The following CFTR variants were observed in gnomAD, a reference collection of about 807,000 sequenced individuals.
The protein encoded by CFTR is cystic fibrosis transmembrane conductance regulator.
CFTR carries 181 observed loss-of-function variants against 171.6 expected under a neutral mutation model. That is an observed-to-expected ratio of 1.05 (90% CI 0.93 to 1.19). The LOEUF (loss-of-function observed/expected upper bound fraction) is 1.19, where lower values mean the gene tolerates loss of function less well. Among genes scored for constraint, CFTR ranks in the 50% most tolerant of loss-of-function variants. The pLI, the probability that CFTR is intolerant of heterozygous loss-of-function variation, is 0.00. For synonymous variants in CFTR, 583 were observed against 608.0 expected (o/e 0.96, Z 0.60); for missense variants, 1,968 against 1,734.7 (o/e 1.13, Z -2.39).
At chr7:117,528,486 A>C (rs1416383166) in intron 3 of CFTR, among the ~76,000 whole-genome samples, 1 of 116,336 alleles carries the variant, frequency 8.6e-6, no homozygotes, top group Non-Finnish European at 1.8e-5. Context: ...CACCAAAAGC[A>C]ATGGCAACAA....
rs370654288 is a variant in CFTR at position 117,620,498 on chromosome 7, A to G, written c.3468+5785A>G. ...TGTCCCTGAATGCTAGAGTCCATTGATTAAGTTATTCACTGCTGCAATTGT... is the reference window on the plus strand; with the variant it reads ...TGTCCCTGAATGCTAGAGTCCATTGGTTAAGTTATTCACTGCTGCAATTGT... On this transcript the variant is annotated intron_variant, in intron 21 of 26. Coordinates refer to ENST00000003084, the MANE Select transcript of CFTR (RefSeq NM_000492.4). Among the ~76,000 whole-genome samples the G allele has an allele frequency of 2.1e-4, 32 of 152,252 alleles. No homozygotes were observed. In the East Asian group the frequency reaches 3.3e-3, roughly 16 times the overall value.
chr7:117,501,616 G>GCATGC (rs1319827579), intron 1 of CFTR, among the ~76,000 whole-genome samples: 1 of 150,818 alleles, frequency 6.6e-6, no homozygotes, highest in Non-Finnish European at 1.5e-5. Context: ...GCATGGTGGT[G>GCATGC]CATGCCTGTA....
intron 10 of CFTR, 59 bp from the exon 11 acceptor site, chr7:117,559,405 G>C (rs1006625702): frequency 4.7e-6 from 5 of 1,055,338 alleles, no homozygotes; most frequent in Admixed American, 1.7e-5. Flanking sequence ...ATAATTGGAG[G>C]CAAGTGAATC....
chr7:117,582,384 A>T (rs1791861471), intron 11 of CFTR, among the ~76,000 whole-genome samples: 1 of 152,166 alleles, frequency 6.6e-6, no homozygotes, highest in Non-Finnish European at 1.5e-5. Flanking sequence ...TCTCAAAATG[A>T]ATTTTACAAA....
In CFTR at chr7:117,611,815, T is replaced by C. The variant is rs1178497354; in HGVS notation, c.3367+7T>C. 1.3e-6 allele frequency: 2 copies of C among 1,589,028 alleles called. No homozygotes were observed. The highest frequency in any genetic ancestry group is 1.7e-6 in the Non-Finnish European group (2 of 1,158,278). On this transcript the variant is annotated splice_region_variant and intron_variant, in intron 20 of 26. Transcript: ENST00000003084. ...ATTTCCATTTTAACAACAGGTACTATGAACTCATTAACTTTAGCTAAGCAT... is the reference window on the plus strand; with the variant it reads ...ATTTCCATTTTAACAACAGGTACTACGAACTCATTAACTTTAGCTAAGCAT...
chr7:117,606,114 G>C (rs150965043), intron 17 of CFTR, among the ~76,000 whole-genome samples: 1 of 152,088 alleles, frequency 6.6e-6, no homozygotes, highest in Non-Finnish European at 1.5e-5. Flanking sequence ...ATGTGAATCC[G>C]TGATTCAGAT....
intron 17 of CFTR, among the ~76,000 whole-genome samples, chr7:117,604,439 T>C (rs574874840): frequency 6.6e-6 from 1 of 152,290 alleles, no homozygotes; most frequent in Admixed American, 6.5e-5. Flanking sequence ...AGTTTTTTCA[T>C]AGCAACCTGT....
At chr7:117,660,668 G>A (rs937475015) in intron 24 of CFTR, among the ~76,000 whole-genome samples, 4 of 139,690 alleles carry the variant, frequency 2.9e-5, no homozygotes, top group Non-Finnish European at 1.6e-5. Context: ...GGATATATAT[G>A]TGTGTGTGTG....
At chr7:117,488,023 A>C (rs1451938579) in intron 1 of CFTR, 1 of 152,154 alleles carries the variant, frequency 6.6e-6, no homozygotes, top group Admixed American at 6.6e-5. Context: ...AAACATCTCT[A>C]TAAACTCTAG....
chr7:117,572,698 C>T (rs1320536644), intron 11 of CFTR, among the ~76,000 whole-genome samples: 1 of 152,070 alleles, frequency 6.6e-6, no homozygotes, highest in Non-Finnish European at 1.5e-5. Flanking sequence ...CACACTTATT[C>T]CCCCCTTGTC....
intron 15 of CFTR, among the ~76,000 whole-genome samples, chr7:117,600,940 A>G (rs1444231480): frequency 2.0e-5 from 3 of 152,090 alleles, no homozygotes; most frequent in African/African-American, 7.2e-5. Flanking sequence ...GTTCTACTCA[A>G]TAGAAGCAGT....
In CFTR at chr7:117,535,246, A is replaced by G. The variant is rs193922730; in HGVS notation, c.580-2A>G. The G allele has an allele frequency of 1.9e-6, 3 of 1,614,082 alleles. No homozygotes were observed. Among genetic ancestry groups the G allele is most frequent in the Admixed American group, 1.7e-5 (1 of 60,002 alleles). On this transcript the variant is annotated splice_acceptor_variant, in intron 5 of 26. Transcript: ENST00000003084. LOFTEE classifies it high-confidence loss of function. Reference sequence around the variant, plus strand: ...TGTTTTTGCTGTGCTTTTATTTTCCAGGGACTTGCATTGGCACATTTCGTG... The same window carrying G: ...TGTTTTTGCTGTGCTTTTATTTTCCGGGGACTTGCATTGGCACATTTCGTG...
intron 2 of CFTR, among the ~76,000 whole-genome samples, chr7:117,504,768 A>AAAT (rs2116635774): frequency 6.6e-6 from 1 of 152,006 alleles, no homozygotes; most frequent in Admixed American, 6.6e-5. Context: ...AAAAAAAAAA[A>AAAT]AAAAAGGAAC....
rs1792257064 is a variant in CFTR at position 117,603,565 on chromosome 7, T to C, written c.2691T>C (p.His897=). 4 of 1,613,866 alleles carry C rather than the reference T, an allele frequency of 2.5e-6. No homozygotes were observed. In the African/African-American group the frequency reaches 4.0e-5, roughly 16 times the overall value. Residue 897 remains histidine, a synonymous_variant, in exon 17 of 27, where the codon CAT becomes CAC. Transcript: ENST00000003084. Reference sequence around the variant, plus strand: ...TTCAAGACAAAGGGAATAGTACTCATAGTAGAAATAACAGCTATGCAGTGA... The same window carrying C: ...TTCAAGACAAAGGGAATAGTACTCACAGTAGAAATAACAGCTATGCAGTGA... ...TPLQDKGNST[H]SRNNSYAVII... is the part of the protein sequence containing the mutation.
chr7:117,600,869 T>A (rs192817136), intron 15 of CFTR, among the ~76,000 whole-genome samples: 16 of 152,200 alleles, frequency 1.1e-4, no homozygotes, highest in African/African-American at 3.4e-4. Context: ...GCTTACTCAA[T>A]TGCTTCTATA....
intron 3 of CFTR, among the ~76,000 whole-genome samples, chr7:117,513,027 T>C (rs1488760355): frequency 6.6e-6 from 1 of 152,076 alleles, no homozygotes; most frequent in Non-Finnish European, 1.5e-5. Flanking sequence ...ATGAAAACAT[T>C]GGGTAGGCAT....
At chr7:117,614,770 A>C in intron 21 of CFTR, 57 bp downstream of exon 21, 1 of 1,077,602 alleles carries the variant, frequency 9.3e-7, no homozygotes, top group South Asian at 1.3e-5. Context: ...GTAACAAAGT[A>C]TGAGTAATAG....
chr7:117,524,216 C>T (rs576202383), intron 3 of CFTR, among the ~76,000 whole-genome samples: 1 of 152,068 alleles, frequency 6.6e-6, no homozygotes, highest in African/African-American at 2.4e-5. Flanking sequence ...TTTCCCGTTA[C>T]TGTCTTACAG....
chr7:117,610,632 C>T lies in CFTR; in HGVS notation c.3102C>T (p.Leu1034=). 2 of 1,613,528 alleles carry T rather than the reference C, an allele frequency of 1.2e-6. No homozygotes were observed. Among genetic ancestry groups the T allele is most frequent in the South Asian group, 2.2e-5 (2 of 91,072 alleles). Reference sequence around the variant, plus strand: ...TTATTATGTTGAGAGCATATTTCCTCCAAACCTCACAGCAACTCAAACAAC... The same window carrying T: ...TTATTATGTTGAGAGCATATTTCCTTCAAACCTCACAGCAACTCAAACAAC... ...VAFIMLRAYF[L]QTSQQLKQLE... The change falls in exon 19 of 27, where the codon CTC becomes CTT. Residue 1034 remains leucine (L), a synonymous_variant. Coordinates refer to ENST00000003084, the MANE Select transcript of CFTR (RefSeq NM_000492.4).
Sources: allele counts gnomAD v4.1 joint callset (sites outside exome capture counted in the v4.1 genomes callset), GRCh38; gene constraint gnomAD v4.1.1; transcripts MANE v1.5; gene names NCBI Gene and HGNC (gene_info 2026-07-23, HGNC 2026-07-21).